Variants in TRIM46 observed in about 807,000 individuals in gnomAD.
The protein encoded by TRIM46 is tripartite motif-containing protein 46.
Under a neutral mutation model 69.7 loss-of-function variants are expected in TRIM46, and 17 were observed. The observed-to-expected ratio is 0.24, with a 90% CI of 0.17 to 0.37. The LOEUF (loss-of-function observed/expected upper bound fraction) is 0.37, where lower values mean the gene tolerates loss of function less well. Among genes scored for constraint, TRIM46 ranks in the 10% least tolerant of loss-of-function variants. The pLI, the probability that TRIM46 is intolerant of heterozygous loss-of-function variation, is 1.00. For synonymous variants in TRIM46, 391 were observed against 429.0 expected, an observed-to-expected ratio of 0.91 and a Z score of 1.09; for missense variants, 675 against 1,025.1, an observed-to-expected ratio of 0.66 and a Z score of 4.66.
chr1:155,178,883 C>T (rs897012314), intron 7 of TRIM46: 8 of 1,389,552 alleles, frequency 5.8e-6, no homozygotes, highest in Admixed American at 2.2e-5. Context: ...CCCTGCCCGC[C>T]GCCGGGCCCC....
intron 9 of TRIM46, among the ~76,000 whole-genome samples, chr1:155,183,121 A>G (rs531782324): frequency 2.6e-5 from 4 of 152,116 alleles, no homozygotes; most frequent in Non-Finnish European, 5.9e-5. Context: ...CGTGTTAGCC[A>G]GGATGGTCTC....
In TRIM46 at chr1:155,181,377, G is replaced by A. The variant is rs1666164321; in HGVS notation, c.1589-475G>A. Reference sequence around the variant, plus strand: ...TAGGGCTCAAGAATGTTACTAAAGTGACTAGAAAATAGTTCGGACTCCAGG... The same window carrying A: ...TAGGGCTCAAGAATGTTACTAAAGTAACTAGAAAATAGTTCGGACTCCAGG... On this transcript the variant is annotated intron_variant, in intron 8 of 9. Coordinates refer to ENST00000334634, the MANE Select transcript of TRIM46 (RefSeq NM_025058.5). The surrounding 1 kb of genome is among the most constrained non-coding windows in gnomAD (Gnocchi z 4.3). 6.6e-6 allele frequency among the ~76,000 whole-genome samples: 1 copy of A among 152,180 alleles called. No individual in the cohort carries two copies. Among genetic ancestry groups the A allele is most frequent in the Admixed American group, 6.5e-5 (1 of 15,272 alleles).
chr1:155,177,493 T>A (rs1665762179), intron 5 of TRIM46, among the ~76,000 whole-genome samples: 1 of 152,150 alleles, frequency 6.6e-6, no homozygotes, highest in South Asian at 2.1e-4. Context: ...AGGGTGGCTA[T>A]AGCTCAGGAG....
chr1:155,183,866 T>C lies in TRIM46; in HGVS notation c.1956T>C (p.Ala652=). The C allele has an allele frequency of 6.2e-7, 1 of 1,612,876 alleles. No individual in the cohort carries two copies. ...CAGTGGAGGCGTCGCCACCCTTCGC[T>C]TTCCTAACCATTGGCATGGGCAAGA... is the stretch of plus-strand genomic sequence containing the variant. ...DATVEASPPF[A]FLTIGMGKIL... is the part of the protein sequence containing the mutation. The change falls in exon 10 of 10, where the codon GCT becomes GCC. Residue 652 remains alanine (A), a synonymous_variant. Coordinates refer to ENST00000334634, the MANE Select transcript of TRIM46 (RefSeq NM_025058.5).
chr1:155,178,739 T>TGCCCCCCCCCCC, intron 7 of TRIM46, 126 bp downstream of exon 7: 8 of 1,348,420 alleles, frequency 5.9e-6, no homozygotes, highest in Non-Finnish European at 7.1e-6. Flanking sequence ...CAGCCATTCC[T>TGCCCCCCCCCCC]CCCACCCAGC....
chr1:155,177,297 G>A lies in TRIM46; in HGVS notation c.909+7G>A, dbSNP rs765320031. 1.8e-5 allele frequency: 29 copies of A among 1,612,796 alleles called. No homozygotes were observed. In the South Asian group the frequency reaches 2.6e-4, roughly 15 times the overall value. ...GGCCGTGAGGCACACCGAGGTGAGG[G>A]AGGGCACAGAGGTAGGCCCTGGGCC... On this transcript the variant is annotated splice_region_variant and intron_variant, in intron 5 of 9. Transcript: ENST00000334634.
Position 155,179,840 on chromosome 1 carries a change from G to C in TRIM46, c.1494G>C (p.Thr498=), listed in dbSNP as rs764413748. The C allele has an allele frequency of 6.2e-7, 1 of 1,613,418 alleles. No homozygotes were observed. Among genetic ancestry groups the C allele is most frequent in the Non-Finnish European group, 8.5e-7 (1 of 1,179,878 alleles). The change falls in exon 8 of 10, where the codon ACG becomes ACC. Residue 498 remains threonine (T), a synonymous_variant. Transcript: ENST00000334634. ...GTSALLENPD[T]GSVYVLRVRG... ...GTGCCCTGCTTGAGAACCCCGACAC[G>C]GGCTCTGTGTATGTGCTGCGTGTCC...
chr1:155,176,778 A>T (rs908819533), intron 3 of TRIM46, among the ~76,000 whole-genome samples, 154 bp from the exon 4 acceptor site: 1 of 152,228 alleles, frequency 6.6e-6, no homozygotes, highest in Non-Finnish European at 1.5e-5. Context: ...CTTTGATGCC[A>T]GTATGTACCA....
rs1396008716 is a variant in TRIM46 at position 155,175,633 on chromosome 1, G to A, written c.311G>A (p.Arg104Gln). 9 of 1,613,704 alleles carry A rather than the reference G, an allele frequency of 5.6e-6. No homozygotes were observed. Among genetic ancestry groups the A allele is most frequent in the South Asian group, 2.2e-5 (2 of 91,080 alleles). The change falls in exon 2 of 10, where the codon CGG becomes CAG. Residue 104 changes from arginine (R) to glutamine (Q), a missense_variant. By Grantham distance (43) the Arg-to-Gln change is conservative (BLOSUM62 1). Around this residue, in one of 5 missense-constraint regions of TRIM46, gnomAD observed 170 missense variants for 255.6 expected, o/e 0.67. Transcript: ENST00000334634. This position sits in a 1 kb window ranked among gnomAD's most constrained non-coding sequence, Gnocchi z 4.2. Reference protein sequence around the residue: ...RTLPKPDRLDRLLKSGFGTYP... With the variant: ...RTLPKPDRLDQLLKSGFGTYP... ...CTCCCCAAGCCAGACCGCCTGGACC[G>A]GCTGCTTAAGTCAGGTGGGACTGGG...
Position 155,173,939 on chromosome 1 carries a change from C to T in TRIM46, c.-28C>T. 6.4e-7 allele frequency: 1 copy of T among 1,568,648 alleles called. No homozygotes were observed. The highest frequency in any genetic ancestry group is 1.9e-5 in the Admixed American group (1 of 52,718). On this transcript the variant is annotated 5_prime_UTR_variant, in exon 1 of 10. Coordinates refer to ENST00000334634, the MANE Select transcript of TRIM46 (RefSeq NM_025058.5). ...TCGCAGCCGCAGCCGGGATCGGGCA[C>T]CCAGGGGCGGGCGGGCACGGTAGGG...
chr1:155,181,175 G>T lies in TRIM46; in HGVS notation c.1589-677G>T, dbSNP rs1666146793. Among the ~76,000 whole-genome samples the T allele has an allele frequency of 6.6e-6, 1 of 152,214 alleles. No individual in the cohort carries two copies. The highest frequency in any genetic ancestry group is 1.5e-5 in the Non-Finnish European group (1 of 68,042). Reference sequence around the variant, plus strand: ...GAATGGCTTGAACCTGGGAGGCAGGGGTTGCAGTGAGCCAAGATTGCGCCA... The same window carrying T: ...GAATGGCTTGAACCTGGGAGGCAGGTGTTGCAGTGAGCCAAGATTGCGCCA... On this transcript the variant is annotated intron_variant, in intron 8 of 9. Transcript: ENST00000334634. This position sits in a 1 kb window ranked among gnomAD's most constrained non-coding sequence, Gnocchi z 4.3.
chr1:155,174,465 G>A, intron 1 of TRIM46: 5 of 1,357,098 alleles, frequency 3.7e-6, no homozygotes, highest in Non-Finnish European at 4.8e-6. Flanking sequence ...CCCACCCCAC[G>A]CACCCCCACT....
chr1:155,183,945 C>G lies in TRIM46; in HGVS notation c.2035C>G (p.Pro679Ala). Residue 679 changes from proline to alanine, a missense_variant, in exon 10 of 10, where the codon CCC (proline) becomes GCC (alanine). Physicochemically the swap from Pro to Ala is conservative, Grantham distance 27. Coordinates refer to ENST00000334634, the MANE Select transcript of TRIM46 (RefSeq NM_025058.5). ...CGCAGGGCTGACAGGGAGGGATGGCCCCACAGCCGGCTGCACAGTGCCCCT... is the reference window on the plus strand; with the variant it reads ...CGCAGGGCTGACAGGGAGGGATGGCGCCACAGCCGGCTGCACAGTGCCCCT... ...SNAGLTGRDG[P>A]TAGCTVPLPP... 1 of 1,613,916 alleles carries G rather than the reference C, an allele frequency of 6.2e-7. No individual in the cohort carries two copies. The highest frequency in any genetic ancestry group is 8.5e-7 in the Non-Finnish European group (1 of 1,180,026).
chr1:155,175,903 C>T lies in TRIM46; in HGVS notation c.341C>T (p.Pro114Leu), dbSNP rs1438613159. The T allele has an allele frequency of 1.9e-6, 3 of 1,589,424 alleles. No homozygotes were observed. The change falls in exon 3 of 10, where the codon CCT becomes CTT. Residue 114 changes from proline to leucine, a missense_variant. Physicochemically the swap from Pro to Leu is moderately conservative, Grantham distance 98. Around this residue, in one of 5 missense-constraint regions of TRIM46, gnomAD observed 170 missense variants for 255.6 expected, o/e 0.67. Transcript: ENST00000334634. The surrounding 1 kb of genome is among the most constrained non-coding windows in gnomAD (Gnocchi z 4.2). ...TCACCCACAGGCTTTGGGACATACC[C>T]TGGGAGGAAGCGAGGTGCTTTGCAC... Reference protein sequence around the residue: ...RLLKSGFGTYPGRKRGALHPQ... With the variant: ...RLLKSGFGTYLGRKRGALHPQ...
At chr1:155,182,224 A>T in intron 9 of TRIM46, 75 bp downstream of exon 9, 1 of 1,308,918 alleles carries the variant, frequency 7.6e-7, no homozygotes, top group Non-Finnish European at 1.1e-6. Flanking sequence ...TGGCAAGTGG[A>T]GCACAGACTT....
At chr1:155,174,802 C>A in intron 1 of TRIM46, 1 of 1,425,440 alleles carries the variant, frequency 7.0e-7, no homozygotes, top group Non-Finnish European at 9.2e-7. Context: ...CGGGAGAGGG[C>A]GGGAGGGCCT....
rs1057082348 is a variant in TRIM46, at chr1:155,184,622, C to G, written c.*432C>G. On this transcript the variant is annotated 3_prime_UTR_variant, in exon 10 of 10. Coordinates refer to ENST00000334634, the MANE Select transcript of TRIM46 (RefSeq NM_025058.5). The surrounding 1 kb of genome is among the most constrained non-coding windows in gnomAD (Gnocchi z 5.6). ...TGCTGAACTACAGCCTTGGGACAGG[C>G]AGGCTTTGGGGCTGGACGCTGTCCA... 1 of 172,324 alleles carries G rather than the reference C, an allele frequency of 5.8e-6. No individual in the cohort carries two copies. Among genetic ancestry groups the G allele is most frequent in the Non-Finnish European group, 1.2e-5 (1 of 80,082 alleles). The allele number at this position is 172,324 out of a possible 1,614,324, so 10.7% of individuals were successfully genotyped here. A position where few individuals can be genotyped will look rare whatever the true frequency, so the allele number is the denominator to read the frequency against.
chr1:155,183,723 C>G (rs1409591680), intron 9 of TRIM46, 74 bp from the exon 10 acceptor site: 2 of 1,563,466 alleles, frequency 1.3e-6, no homozygotes, highest in Non-Finnish European at 1.7e-6. Context: ...TTCCATCCTT[C>G]CAGCGTCTCC....
rs2147795644 is a variant in TRIM46, at chr1:155,181,994, T to C, written c.1731T>C (p.Ser577=). 1 of 1,613,594 alleles carries C rather than the reference T, an allele frequency of 6.2e-7. No individual in the cohort carries two copies. The highest frequency in any genetic ancestry group is 1.1e-5 in the South Asian group (1 of 91,062). ...GGCTGCTGACCGGCTGCCACCTGAG[T>C]GTGGATGTGGTCCTGGGCGACGTGG... ...ADRLLTGCHL[S]VDVVLGDVAV... Residue 577 remains serine, a synonymous_variant, in exon 9 of 10, where the codon AGT becomes AGC. Coordinates refer to ENST00000334634, the MANE Select transcript of TRIM46 (RefSeq NM_025058.5). This position sits in a 1 kb window ranked among gnomAD's most constrained non-coding sequence, Gnocchi z 4.3.
Sources: gnomAD v4.1 joint callset for allele counts (sites outside exome capture counted in the v4.1 genomes callset) on GRCh38, gnomAD v4.1.1 for gene constraint, gnomAD v4.1.1 regional missense constraint, Gnocchi (gnomAD v3.1) non-coding constraint, MANE v1.5 for transcripts, NCBI Gene and HGNC (gene_info 2026-07-23, HGNC 2026-07-21) for gene names.